ADAMTS20: variants seen among roughly 807,000 people sequenced by gnomAD.
ADAMTS20 encodes the protein A disintegrin and metalloproteinase with thrombospondin motifs 20.
In ADAMTS20, 225 loss-of-function variants were observed where a neutral mutation model predicts 260.1. The ratio of observed to expected loss-of-function variants is 0.87; its 90% confidence interval spans 0.78 to 0.97. The LOEUF (loss-of-function observed/expected upper bound fraction) is 0.97. Ranked by LOEUF, ADAMTS20 falls within the 50% of genes least tolerant of loss-of-function variation. ADAMTS20 has a pLI of 0.00. For missense variants in ADAMTS20, 2,400 were observed against 2,337.7 expected (o/e 1.03, Z -0.55); for synonymous variants, 802 against 769.5 (o/e 1.04, Z -0.70).
At chr12:43,389,636 A>T (rs1940555560) in intron 29 of ADAMTS20, among the ~76,000 whole-genome samples, 1 of 151,978 alleles carries the variant, frequency 6.6e-6, no homozygotes, top group Admixed American at 6.5e-5. Flanking sequence ...GTCTGGGGTC[A>T]TGGGGGCAGC....
intron 11 of ADAMTS20, among the ~76,000 whole-genome samples, chr12:43,456,915 T>C (rs897267680): frequency 6.6e-6 from 1 of 152,054 alleles, no homozygotes; most frequent in Non-Finnish European, 1.5e-5. Flanking sequence ...TGATTAGGAA[T>C]GGCAGGAAAG....
intron 28 of ADAMTS20, among the ~76,000 whole-genome samples, chr12:43,412,807 T>TTC (rs1941057032): frequency 7.6e-6 from 1 of 132,414 alleles, no homozygotes. Flanking sequence ...AAATAATTTT[T>TTC]TTTTTTTTTT....
At chr12:43,472,526 C>T (rs1942282136) in intron 7 of ADAMTS20, among the ~76,000 whole-genome samples, 2 of 135,156 alleles carry the variant, frequency 1.5e-5, no homozygotes, top group East Asian at 2.3e-4. Flanking sequence ...CTCCAAGACA[C>T]ATAATTGTCA....
intron 3 of ADAMTS20, among the ~76,000 whole-genome samples, chr12:43,507,299 A>T (rs1942859578): frequency 6.6e-6 from 1 of 152,188 alleles, no homozygotes; most frequent in Admixed American, 6.5e-5. Context: ...TCAGCAAGAG[A>T]TGCTTTCCTT....
At chr12:43,485,716 G>A (rs1291991570) in intron 7 of ADAMTS20, among the ~76,000 whole-genome samples, 2 of 152,084 alleles carry the variant, frequency 1.3e-5, no homozygotes, top group Non-Finnish European at 2.9e-5. Context: ...AATGAATTCA[G>A]TAAAGTCTTA....
intron 15 of ADAMTS20, among the ~76,000 whole-genome samples, chr12:43,444,465 C>T (rs1941724567): frequency 6.6e-6 from 1 of 151,976 alleles, no homozygotes; most frequent in African/African-American, 2.4e-5. Context: ...ATTATTTTTA[C>T]AAGAATACTA....
At chr12:43,357,950 T>C (rs1939780137) in intron 37 of ADAMTS20, among the ~76,000 whole-genome samples, 1 of 152,220 alleles carries the variant, frequency 6.6e-6, no homozygotes, top group Admixed American at 6.5e-5. Context: ...TCTTAGGATA[T>C]ATTATTCTAT....
At chr12:43,500,053 G>C (rs1278446304) in intron 4 of ADAMTS20, among the ~76,000 whole-genome samples, 1 of 149,164 alleles carries the variant, frequency 6.7e-6, no homozygotes, top group Non-Finnish European at 1.5e-5. Context: ...TTTTGAGAGA[G>C]AGTCTCAGTC....
At position 43,428,272 on chromosome 12, in the gene ADAMTS20, C is replaced by G; in HGVS notation, c.3914G>C (p.Gly1305Ala). Reference protein sequence around the residue: ...ENQVVHPSVRGNQWRTGPWGS... With the variant: ...ENQVVHPSVRANQWRTGPWGS... ...CCATGGTCCGGTTCTCCACTGGTTT[C>G]CTCTGACTGATGGATGGACCACCTG... is the stretch of plus-strand genomic sequence containing the variant. Residue 1305 changes from glycine to alanine, a missense_variant, in exon 26 of 39, where the codon GGA (glycine) becomes GCA (alanine). By Grantham distance (60) the Gly-to-Ala change is moderately conservative. Coordinates refer to ENST00000389420, the MANE Select transcript of ADAMTS20 (RefSeq NM_025003.5). 2 of 1,613,948 alleles carry G rather than the reference C, an allele frequency of 1.2e-6. No individual in the cohort carries two copies. Among genetic ancestry groups the G allele is most frequent in the Non-Finnish European group, 1.7e-6 (2 of 1,179,894 alleles).
At chr12:43,503,289 G>T (rs962980952) in intron 3 of ADAMTS20, among the ~76,000 whole-genome samples, 3 of 151,912 alleles carry the variant, frequency 2.0e-5, no homozygotes, top group African/African-American at 7.3e-5. Flanking sequence ...ATAGAAAAGC[G>T]GACCAAAGGA....
At chr12:43,365,783 T>C (rs1939970786) in intron 37 of ADAMTS20, among the ~76,000 whole-genome samples, 1 of 151,944 alleles carries the variant, frequency 6.6e-6, no homozygotes, top group Admixed American at 6.6e-5. Flanking sequence ...AGTAGTACTG[T>C]CTTTATATTT....
At chr12:43,536,083 T>A (rs932466959) in intron 2 of ADAMTS20, among the ~76,000 whole-genome samples, 25 of 151,990 alleles carry the variant, frequency 1.6e-4, no homozygotes, top group Admixed American at 5.9e-4. Context: ...TTATATATAT[T>A]CATTCCTATA....
intron 2 of ADAMTS20, among the ~76,000 whole-genome samples, chr12:43,534,830 GATT>G (rs1199831448): frequency 6.6e-6 from 1 of 152,084 alleles, no homozygotes; most frequent in East Asian, 1.9e-4. Context: ...ACTCTAGAAG[GATT>G]ATTAGGAACA....
intron 4 of ADAMTS20, among the ~76,000 whole-genome samples, chr12:43,497,254 G>A (rs1462442860): frequency 6.6e-6 from 1 of 152,124 alleles, no homozygotes; most frequent in Non-Finnish European, 1.5e-5. Flanking sequence ...GAATTGTATT[G>A]TTGAAATCTT....
In ADAMTS20 at chr12:43,552,139, C is replaced by G. The variant is rs184589922; in HGVS notation, c.-218G>C. Reference sequence around the variant, plus strand: ...TGCTTCATCGCACTGCAGCCTCACCCCCCTTCCTGCGCCCGCGCTGCCCTC... The same window carrying G: ...TGCTTCATCGCACTGCAGCCTCACCGCCCTTCCTGCGCCCGCGCTGCCCTC... On this transcript the variant is annotated 5_prime_UTR_variant, in exon 1 of 39. Transcript: ENST00000389420. 9.0e-3 allele frequency among the ~76,000 whole-genome samples: 1,372 copies of G among 152,350 alleles called. 23 individuals carry two copies. The highest frequency in any genetic ancestry group is 0.031 in the African/African-American group (1,274 of 41,584).
chr12:43,432,374 A>G lies in ADAMTS20; in HGVS notation c.3026T>C (p.Leu1009Pro). The change falls in exon 21 of 39, where the codon CTG (leucine) becomes CCG (proline). Residue 1009 changes from leucine (L) to proline (P), a missense_variant. Transcript: ENST00000389420. ...GCAATTCTCTCTCGTCACTCGGGACAGTTCTTGGCATTCATTGTCAGCAAG... is the reference window on the plus strand; with the variant it reads ...GCAATTCTCTCTCGTCACTCGGGACGGTTCTTGGCATTCATTGTCAGCAAG... ...HRLADNECQE[L>P]SRVTRENCNE... The G allele has an allele frequency of 6.2e-7, 1 of 1,613,948 alleles. No homozygotes were observed. The highest frequency in any genetic ancestry group is 8.5e-7 in the Non-Finnish European group (1 of 1,179,866).
intron 28 of ADAMTS20, among the ~76,000 whole-genome samples, chr12:43,400,980 A>T (rs1306066778): frequency 6.6e-6 from 1 of 151,964 alleles, no homozygotes; most frequent in African/African-American, 2.4e-5. Flanking sequence ...AGTGCTTATA[A>T]TCTAAATGAT....
chr12:43,431,736 A>T (rs80289032), intron 21 of ADAMTS20, among the ~76,000 whole-genome samples: 1,608 of 152,300 alleles, frequency 0.011, 22 homozygotes, highest in African/African-American at 0.036. Context: ...CTAACCTTAG[A>T]ATAAGTATTC....
rs879090018 is a variant in ADAMTS20, at chr12:43,492,384, A to G, written c.1076+121T>C. The stretch of plus-strand genomic sequence containing the variant: ...GACAGAGCGAGACTCTGTCTCAAAA[A>G]AAAAAGAAAAAGAAAAAGAAAAACA... On this transcript the variant is annotated intron_variant, in intron 6 of 38. Coordinates refer to ENST00000389420, the MANE Select transcript of ADAMTS20 (RefSeq NM_025003.5). The G allele has an allele frequency of 1.7e-5, 19 of 1,125,798 alleles. No homozygotes were observed. The Admixed American group carries it at 3.0e-4, about 18-fold the overall frequency. 69.7% of individuals were successfully genotyped at this position (1,125,798 alleles called of 1,614,324 possible).
Sources: allele counts gnomAD v4.1 joint callset (sites outside exome capture counted in the v4.1 genomes callset), GRCh38; gene constraint gnomAD v4.1.1; transcripts MANE v1.5; gene names NCBI Gene and HGNC (gene_info 2026-07-23, HGNC 2026-07-21).